The following TMX3 variants were observed in gnomAD, a reference collection of about 807,000 sequenced individuals.
The protein encoded by TMX3 is protein disulfide-isomerase TMX3.
In TMX3, 40 loss-of-function variants were observed where a neutral mutation model predicts 64.4. The ratio of observed to expected loss-of-function variants is 0.62; its 90% CI spans 0.48 to 0.81. The LOEUF is 0.81. Among genes scored for constraint, TMX3 ranks in the 30% least tolerant of loss-of-function variants. The pLI, the probability that TMX3 is intolerant of heterozygous loss-of-function variation, is 0.00. For missense variants in TMX3, 497 were observed against 534.5 expected (o/e 0.93, Z 0.69); for synonymous variants, 189 against 175.7 (o/e 1.08, Z -0.60).
chr18:68,681,188 T>G, intron 13 of TMX3, 78 bp from the exon 14 acceptor site: 1 of 1,217,916 alleles, frequency 8.2e-7, no homozygotes, highest in Admixed American at 2.9e-5. Context: ...TATATCTCAG[T>G]AGCCATAATT....
At chr18:68,684,606 T>G (rs1355358651) in intron 10 of TMX3, 121 bp from the exon 11 acceptor site, 3 of 769,710 alleles carry the variant, frequency 3.9e-6, no homozygotes, top group African/African-American at 1.7e-5. Flanking sequence ...CCAATCACCC[T>G]ACATGTTATA....
intron 8 of TMX3, among the ~76,000 whole-genome samples, chr18:68,693,204 G>A (rs1914693451): frequency 6.6e-6 from 1 of 152,204 alleles, no homozygotes. Context: ...GGCAGTGGCA[G>A]CCCGTCTGGA....
In TMX3 at chr18:68,674,980, A is replaced by G. The variant is rs1351086287; in HGVS notation, c.*1953T>C. ...CACTGAGCTTTACTCTTTTTTTCCT[A>G]TTAAGGTCTTTCATTTACAGGTAAT... On this transcript the variant is annotated 3_prime_UTR_variant, in exon 16 of 16. Transcript: ENST00000299608. 1.3e-5 allele frequency: 2 copies of G among 152,102 alleles called. No individual in the cohort carries two copies. The highest frequency in any genetic ancestry group is 3.8e-4 in the East Asian group (2 of 5,196). 9.4% of individuals were successfully genotyped at this position (152,102 alleles called of 1,614,324 possible).
chr18:68,700,354 TA>T, intron 6 of TMX3, 50 bp downstream of exon 6: 1 of 1,254,368 alleles, frequency 8.0e-7, no homozygotes, highest in Non-Finnish European at 1.1e-6. Flanking sequence ...AAAATATATT[TA>T]ATTTTCAAAT....
chr18:68,688,374 CT>C (rs1461479710), intron 9 of TMX3: 2 of 152,090 alleles, frequency 1.3e-5, no homozygotes, highest in East Asian at 1.9e-4. Flanking sequence ...AGTACCTTAG[CT>C]TTTTTCCAAT....
intron 3 of TMX3, 22 bp downstream of exon 3, chr18:68,711,342 C>A: frequency 6.4e-7 from 1 of 1,560,794 alleles, no homozygotes; most frequent in Non-Finnish European, 8.7e-7. Flanking sequence ...GGGTAATTAG[C>A]ATATAAAATT....
At chr18:68,695,597 A>C (rs1046465110) in intron 8 of TMX3, among the ~76,000 whole-genome samples, 3 of 152,168 alleles carry the variant, frequency 2.0e-5, no homozygotes, top group Admixed American at 2.0e-4. Flanking sequence ...TTCAAACCAA[A>C]ACATCTAAGA....
chr18:68,712,159 T>C (rs1030205913), intron 2 of TMX3, among the ~76,000 whole-genome samples: 7 of 152,102 alleles, frequency 4.6e-5, no homozygotes, highest in Non-Finnish European at 2.9e-5. Flanking sequence ...CTAGACAGTG[T>C]GGCCCAAGTC....
At chr18:68,687,047 AT>A (rs1210269241) in intron 10 of TMX3, 23 of 981,628 alleles carry the variant, frequency 2.3e-5, no homozygotes, top group Non-Finnish European at 2.5e-5. Context: ...CATCCTACTT[AT>A]CATAAAGCTA....
At position 68,675,354 on chromosome 18, in the gene TMX3, T is replaced by C. The variant is rs1315885961; in HGVS notation, c.*1579A>G. The stretch of plus-strand genomic sequence containing the variant: ...TTGTTTCATTTCCAAAAAAAAGAAA[T>C]ATGGAGTGTCAAACACTAAGAATAG... On this transcript the variant is annotated 3_prime_UTR_variant, in exon 16 of 16. Coordinates refer to ENST00000299608, the MANE Select transcript of TMX3 (RefSeq NM_019022.5). 6.6e-6 allele frequency: 1 copy of C among 152,096 alleles called. No individual in the cohort carries two copies. The highest frequency in any genetic ancestry group is 2.1e-4 in the South Asian group (1 of 4,834). 9.4% of individuals were successfully genotyped at this position (152,096 alleles called of 1,614,324 possible).
At chr18:68,693,373 A>G (rs1189886850) in intron 8 of TMX3, among the ~76,000 whole-genome samples, 2 of 152,072 alleles carry the variant, frequency 1.3e-5, no homozygotes, top group African/African-American at 4.8e-5. Flanking sequence ...GAAGCTGCTC[A>G]GGAGTGGTTC....
rs1912876252 is a variant in TMX3 at position 68,675,759 on chromosome 18, A to T, written c.*1174T>A. The T allele has an allele frequency of 6.6e-6, 1 of 152,192 alleles. No individual in the cohort carries two copies. The highest frequency in any genetic ancestry group is 2.4e-5 in the African/African-American group (1 of 41,454). 9.4% of individuals were successfully genotyped at this position (152,192 alleles called of 1,614,324 possible). A position where few individuals can be genotyped will look rare whatever the true frequency, so the allele number is the denominator to read the frequency against. ...TTACTTTAAAAAAAAGAGTTTTTAGACATTGCTTTGGAAAGAATTCCTGTA... is the reference window on the plus strand; with the variant it reads ...TTACTTTAAAAAAAAGAGTTTTTAGTCATTGCTTTGGAAAGAATTCCTGTA... On this transcript the variant is annotated 3_prime_UTR_variant, in exon 16 of 16. Coordinates refer to ENST00000299608, the MANE Select transcript of TMX3 (RefSeq NM_019022.5).
At chr18:68,682,843 A>G in intron 13 of TMX3, 82 bp downstream of exon 13, 1 of 1,222,276 alleles carries the variant, frequency 8.2e-7, no homozygotes, top group Non-Finnish European at 1.2e-6. Context: ...TTTTTCAGCT[A>G]TTTAATCCTT....
chr18:68,679,722 T>C (rs1913241019), intron 14 of TMX3, 191 bp from the exon 15 acceptor site: 4 of 533,078 alleles, frequency 7.5e-6, no homozygotes, highest in South Asian at 2.5e-5. Context: ...TCCTGCCTGC[T>C]TGTGTTAATT....
In TMX3 at chr18:68,699,224, C is replaced by T. The variant is rs1382263644; in HGVS notation, c.392+1181G>A. On this transcript the variant is annotated intron_variant, in intron 6 of 15. Transcript: ENST00000299608. Reference sequence around the variant, plus strand: ...ACTTAGTAACTAAATGTAAGTGATGCAACTCCAGAACTGACTCCTGAAATT... The same window carrying T: ...ACTTAGTAACTAAATGTAAGTGATGTAACTCCAGAACTGACTCCTGAAATT... Among the ~76,000 whole-genome samples, 3 of 152,188 alleles carry T rather than the reference C, an allele frequency of 2.0e-5. No individual in the cohort carries two copies. In the East Asian group the frequency reaches 5.8e-4, roughly 29 times the overall value.
Position 68,686,827 on chromosome 18 carries a change from A to G in TMX3, c.736+840T>C, listed in dbSNP as rs921864054. 3.0e-6 allele frequency: 3 copies of G among 985,306 alleles called. No homozygotes were observed. The Admixed American group carries it at 1.8e-4, about 61-fold the overall frequency. The allele number at this position is 985,306 out of a possible 1,614,324, so 61.0% of individuals were successfully genotyped here. ...AGCAAAGGCAGAAATATCACTAGAC[A>G]CAGAACATTAAAAGCAAGCTCAGGA... On this transcript the variant is annotated intron_variant, in intron 10 of 15. Transcript: ENST00000299608.
rs1380385348 is a variant in TMX3, at chr18:68,679,483, C to T, written c.1084G>A (p.Asp362Asn). Reference protein sequence around the residue: ...ILQRLKRIVFDAKSTIVSIFK... With the variant: ...ILQRLKRIVFNAKSTIVSIFK... ...CTTACCACAATAGTAGATTTGGCAT[C>T]AAATACTATTCTTTTCAATCTCTGC... Residue 362 changes from aspartate to asparagine, a missense_variant, in exon 15 of 16, where the codon GAT becomes AAT. Physicochemically the swap from Asp to Asn is conservative, Grantham distance 23 (BLOSUM62 1). Coordinates refer to ENST00000299608, the MANE Select transcript of TMX3 (RefSeq NM_019022.5). 6.2e-7 allele frequency: 1 copy of T among 1,612,132 alleles called. No individual in the cohort carries two copies. The highest frequency in any genetic ancestry group is 8.5e-7 in the Non-Finnish European group (1 of 1,179,184).
intron 8 of TMX3, 108 bp downstream of exon 8, chr18:68,697,118 T>G: frequency 1.5e-6 from 1 of 646,972 alleles, no homozygotes; most frequent in Non-Finnish European, 2.6e-6. Flanking sequence ...AAATCTGATA[T>G]TAAAATCAAT....
intron 1 of TMX3, chr18:68,714,419 T>C (rs1001462341): frequency 1.3e-5 from 2 of 159,784 alleles, no homozygotes; most frequent in African/African-American, 2.4e-5. Flanking sequence ...CCAGTGAGAA[T>C]GAGGGCACTC....
Sources: gnomAD v4.1 joint callset for allele counts (sites outside exome capture counted in the v4.1 genomes callset) on GRCh38, gnomAD v4.1.1 for gene constraint, MANE v1.5 for transcripts, NCBI Gene and HGNC (gene_info 2026-07-23, HGNC 2026-07-21) for gene names.